The following GTPBP10 variants were observed in gnomAD, a reference collection of about 807,000 sequenced individuals.
GTPBP10 encodes the protein GTP-binding protein 10.
A neutral mutation model predicts 44.8 loss-of-function variants in GTPBP10; 38 were observed. That is an observed-to-expected ratio of 0.85 (90% confidence interval 0.65 to 1.11). The LOEUF (loss-of-function observed/expected upper bound fraction) is 1.11. GTPBP10 is among the 50% of genes most tolerant of loss of function. GTPBP10 has a pLI of 0.00. For missense variants in GTPBP10, 462 were observed against 453.7 expected (o/e 1.02, Z -0.17); for synonymous variants, 152 against 150.6 (o/e 1.01, Z -0.07).
At chr7:90,375,202 A>T (rs1796322606) in intron 6 of GTPBP10, among the ~76,000 whole-genome samples, 1 of 152,198 alleles carries the variant, frequency 6.6e-6, no homozygotes, top group Non-Finnish European at 1.5e-5. Flanking sequence ...GACAGTAAAA[A>T]AAAAAAATGA....
chr7:90,382,067 A>G (rs1796443506), intron 8 of GTPBP10, among the ~76,000 whole-genome samples: 1 of 152,146 alleles, frequency 6.6e-6, no homozygotes. Context: ...GATTGCATCA[A>G]ACTAAAAAGC....
chr7:90,376,147 ATGGCGTGAACCTGGGAGG>A lies in GTPBP10; in HGVS notation c.592-1356_592-1339del, dbSNP rs553182446. 8.2e-3 allele frequency among the ~76,000 whole-genome samples: 1,246 copies of A among 152,036 alleles called. 14 individuals are homozygous for A. Among genetic ancestry groups the A allele is most frequent in the African/African-American group, 0.028 (1,172 of 41,458 alleles). On this transcript the variant is annotated intron_variant, in intron 6 of 9. Transcript: ENST00000222511. ...CTACTCCAGAGGCTGAGGCGGGAGA[ATGGCGTGAACCTGGGAGG>A]TGGAGCTTGCAGTAAGCCAAGATTG... is the stretch of plus-strand genomic sequence containing the variant.
chr7:90,377,694 A>G, intron 7 of GTPBP10, 80 bp downstream of exon 7: 2 of 921,238 alleles, frequency 2.2e-6, no homozygotes, highest in Admixed American at 2.4e-5. Flanking sequence ...TTTTTTATAA[A>G]TAAGAAAGTG....
chr7:90,362,541 C>G (rs1796045111), intron 4 of GTPBP10, among the ~76,000 whole-genome samples: 1 of 152,154 alleles, frequency 6.6e-6, no homozygotes, highest in Non-Finnish European at 1.5e-5. Context: ...CTAAGGAGTG[C>G]TTTACTTCCA....
intron 4 of GTPBP10, among the ~76,000 whole-genome samples, chr7:90,367,691 G>A (rs1796162647): frequency 6.6e-6 from 1 of 152,100 alleles, no homozygotes; most frequent in Non-Finnish European, 1.5e-5. Context: ...CATGAGATGG[G>A]TCTCCTGAGT....
chr7:90,366,719 C>CA (rs57926111), intron 4 of GTPBP10, among the ~76,000 whole-genome samples: 3,667 of 138,346 alleles, frequency 0.027, 42 homozygotes, highest in Middle Eastern at 0.045. Flanking sequence ...TAGATTCTTT[C>CA]AAAAAAAAAA....
At chr7:90,353,807 CT>C (rs59038520) in intron 2 of GTPBP10, among the ~76,000 whole-genome samples, 118,610 of 146,604 alleles carry the variant, frequency 0.81, 47,954 homozygotes, top group East Asian at 0.89. Flanking sequence ...GGTGGATTTT[CT>C]TTTTTTTTTT....
chr7:90,360,147 G>A (rs1240768864), intron 4 of GTPBP10, among the ~76,000 whole-genome samples: 1 of 151,962 alleles, frequency 6.6e-6, no homozygotes, highest in Non-Finnish European at 1.5e-5. Context: ...AGTTTAATTA[G>A]ATCCCATTTG....
In GTPBP10 at chr7:90,386,848, A is replaced by G. The variant is rs529693899; in HGVS notation, c.*1694A>G. The G allele has an allele frequency of 2.0e-5, 3 of 152,332 alleles. No homozygotes were observed. In the South Asian group the frequency reaches 6.2e-4, roughly 32 times the overall value. The allele number at this position is 152,332 out of a possible 1,614,324, so 9.4% of individuals were successfully genotyped here. On this transcript the variant is annotated 3_prime_UTR_variant, in exon 10 of 10. Coordinates refer to ENST00000222511, the MANE Select transcript of GTPBP10 (RefSeq NM_033107.4). Reference sequence around the variant, plus strand: ...ATTGATTGTAAAAACAAAAAATTCAAATAGTACAAAAGCATATAAGTAACT... The same window carrying G: ...ATTGATTGTAAAAACAAAAAATTCAGATAGTACAAAAGCATATAAGTAACT...
At chr7:90,374,060 ACTC>A (rs1411717691) in intron 5 of GTPBP10, among the ~76,000 whole-genome samples, 2 of 151,834 alleles carry the variant, frequency 1.3e-5, no homozygotes, top group African/African-American at 2.4e-5. Context: ...CTCATCTTGA[ACTC>A]CTAGCTTCAA....
intron 4 of GTPBP10, among the ~76,000 whole-genome samples, chr7:90,356,204 CA>C (rs1795897734): frequency 6.6e-6 from 1 of 152,142 alleles, no homozygotes. Context: ...CCTGACCAGC[CA>C]CTAGAGCTTA....
At chr7:90,377,635 T>C (rs1186676125) in intron 7 of GTPBP10, 21 bp downstream of exon 7, 9 of 1,409,698 alleles carry the variant, frequency 6.4e-6, no homozygotes, top group Non-Finnish European at 8.8e-6. Context: ...TGTATACTAA[T>C]GTGATATTCA....
chr7:90,375,359 G>A (rs1274548486), intron 6 of GTPBP10, among the ~76,000 whole-genome samples: 1 of 152,050 alleles, frequency 6.6e-6, no homozygotes, highest in Non-Finnish European at 1.5e-5. Context: ...GGTAGACACA[G>A]TATACATTTG....
rs1350803223 is a variant in GTPBP10, at chr7:90,386,673, G to A, written c.*1519G>A. ...TGCCTGAGCAACATAGCAAGACCCT[G>A]GCTCTCTATAAAACAGAAAACGCAA... On this transcript the variant is annotated 3_prime_UTR_variant, in exon 10 of 10. Coordinates refer to ENST00000222511, the MANE Select transcript of GTPBP10 (RefSeq NM_033107.4). 1 of 152,038 alleles carries A rather than the reference G, an allele frequency of 6.6e-6. No individual in the cohort carries two copies. Among genetic ancestry groups the A allele is most frequent in the Non-Finnish European group, 1.5e-5 (1 of 68,010 alleles). The allele number at this position is 152,038 out of a possible 1,614,324, so 9.4% of individuals were successfully genotyped here. A position where few individuals can be genotyped will look rare whatever the true frequency, so the allele number is the denominator to read the frequency against.
intron 1 of GTPBP10, 25 bp downstream of exon 1, chr7:90,346,799 G>T (rs1279650389): frequency 1.2e-6 from 2 of 1,612,476 alleles, no homozygotes; most frequent in African/African-American, 2.7e-5. Flanking sequence ...CCTCAGCCTG[G>T]TCCCCTTAGC....
At position 90,387,759 on chromosome 7, in the gene GTPBP10, G is replaced by A. The variant is rs894174813; in HGVS notation, c.*2605G>A. ...TGCCTTTGATAACAGAAACTGCAGG[G>A]GATTGGAATAGCCTCTTTACAAGAA... is the stretch of plus-strand genomic sequence containing the variant. On this transcript the variant is annotated 3_prime_UTR_variant, in exon 10 of 10. Transcript: ENST00000222511. 6.6e-6 allele frequency: 1 copy of A among 152,204 alleles called. No homozygotes were observed. The highest frequency in any genetic ancestry group is 1.5e-5 in the Non-Finnish European group (1 of 68,056). 9.4% of individuals were successfully genotyped at this position (152,204 alleles called of 1,614,324 possible).
rs1203868640 is a variant in GTPBP10 at position 90,385,634 on chromosome 7, T to C, written c.*480T>C. On this transcript the variant is annotated 3_prime_UTR_variant, in exon 10 of 10. Transcript: ENST00000222511. Reference sequence around the variant, plus strand: ...CGTCATTTTTTAAAATTATATTTAATTTTTTTATTTTGAAAGTTTTTTCAC... The same window carrying C: ...CGTCATTTTTTAAAATTATATTTAACTTTTTTATTTTGAAAGTTTTTTCAC... 6.6e-6 allele frequency: 1 copy of C among 152,242 alleles called. No individual in the cohort carries two copies. The highest frequency in any genetic ancestry group is 2.4e-5 in the African/African-American group (1 of 41,450). 9.4% of individuals were successfully genotyped at this position (152,242 alleles called of 1,614,324 possible).
intron 6 of GTPBP10, 102 bp from the exon 7 acceptor site, chr7:90,377,405 G>A (rs1796358914): frequency 6.0e-6 from 4 of 669,326 alleles, no homozygotes; most frequent in Admixed American, 2.7e-5. Context: ...TCATAAGTTA[G>A]GAACTGTTTA....
chr7:90,358,038 G>C (rs1313443289), intron 4 of GTPBP10, among the ~76,000 whole-genome samples: 1 of 151,942 alleles, frequency 6.6e-6, no homozygotes, highest in Non-Finnish European at 1.5e-5. Context: ...GAAAACCCTA[G>C]AGACTCCTTC....
Sources: gnomAD v4.1 joint callset for allele counts (sites outside exome capture counted in the v4.1 genomes callset) on GRCh38, gnomAD v4.1.1 for gene constraint, MANE v1.5 for transcripts, NCBI Gene and HGNC (gene_info 2026-07-23, HGNC 2026-07-21) for gene names.